Variants in CCDC38 observed in about 807,000 individuals in gnomAD.
The protein encoded by CCDC38 is coiled-coil domain containing 38, also known as coiled-coil domain-containing protein 38.
A neutral mutation model predicts 72.8 loss-of-function variants in CCDC38; 69 were observed. The ratio of observed to expected loss-of-function variants is 0.95; its 90% confidence interval spans 0.78 to 1.16. The LOEUF is 1.16. CCDC38 is among the 50% of genes most tolerant of loss of function. The pLI is 0.00. For synonymous variants in CCDC38, 201 were observed against 213.2 expected (o/e 0.94, Z 0.50); for missense variants, 626 against 638.9 (o/e 0.98, Z 0.22).
chr12:95,888,630 C>T, intron 9 of CCDC38, 124 bp from the exon 10 acceptor site: 2 of 738,134 alleles, frequency 2.7e-6, no homozygotes, highest in Non-Finnish European at 2.3e-6. Flanking sequence ...CAGACATGCC[C>T]ATTACTTCTT....
chr12:95,934,500 C>G (rs1372517505), intron 2 of CCDC38: 1 of 152,092 alleles, frequency 6.6e-6, no homozygotes, highest in Non-Finnish European at 1.5e-5. Context: ...ATCCAGGAAA[C>G]TGTAGCAAGC....
At chr12:95,906,494 C>A in intron 4 of CCDC38, 43 bp from the exon 5 acceptor site, 1 of 1,305,244 alleles carries the variant, frequency 7.7e-7, no homozygotes, top group Admixed American at 1.8e-5. Context: ...GTTCATCATC[C>A]TTAAAAATGC....
At chr12:95,904,721 TGTCTCCA>T (rs1156282402) in intron 5 of CCDC38, among the ~76,000 whole-genome samples, 5 of 152,226 alleles carry the variant, frequency 3.3e-5, no homozygotes, top group African/African-American at 1.2e-4. Flanking sequence ...GTGGTTGATC[TGTCTCCA>T]GTCTCCAGAC....
At chr12:95,915,004 C>T (rs982665309) in intron 4 of CCDC38, among the ~76,000 whole-genome samples, 2 of 152,130 alleles carry the variant, frequency 1.3e-5, no homozygotes, top group African/African-American at 4.8e-5. Context: ...CTGTAGCTTT[C>T]ATTTGATCAT....
chr12:95,919,662 AC>A, intron 2 of CCDC38: 1 of 455,578 alleles, frequency 2.2e-6, no homozygotes, highest in Non-Finnish European at 4.4e-6. Flanking sequence ...GGAGGTCTTT[AC>A]CAAAATAGTA....
chr12:95,919,226 A>G (rs2080177306), intron 2 of CCDC38, among the ~76,000 whole-genome samples: 1 of 152,242 alleles, frequency 6.6e-6, no homozygotes. Context: ...TGGTTAGAAC[A>G]AATTTATAGA....
chr12:95,914,769 G>A lies in CCDC38; in HGVS notation c.304+2360C>T, dbSNP rs572177113. ...TTTTAAATCTATAATAGCCACCCCC[G>A]CTCCTCACACCCTATACCCTACACA... On this transcript the variant is annotated intron_variant, in intron 4 of 15. Transcript: ENST00000344280. 1.2e-4 allele frequency among the ~76,000 whole-genome samples: 18 copies of A among 151,566 alleles called. No homozygotes were observed. In the East Asian group the frequency reaches 2.7e-3, roughly 23 times the overall value.
At chr12:95,919,567 G>A (rs1338940487) in intron 2 of CCDC38, 6 of 456,032 alleles carry the variant, frequency 1.3e-5, no homozygotes, top group Non-Finnish European at 2.2e-5. Context: ...CACATCTCCT[G>A]GGTAGAAGTC....
chr12:95,917,371 A>C (rs1362012742), intron 3 of CCDC38, 77 bp from the exon 4 acceptor site: 1 of 1,204,426 alleles, frequency 8.3e-7, no homozygotes, highest in Non-Finnish European at 1.1e-6. Flanking sequence ...TTATATATAA[A>C]AATAACATTT....
intron 13 of CCDC38, among the ~76,000 whole-genome samples, chr12:95,876,394 C>T (rs565162033): frequency 6.6e-6 from 1 of 152,244 alleles, no homozygotes; most frequent in South Asian, 2.1e-4. Flanking sequence ...CTTAACACTA[C>T]TGACCCGTAC....
intron 14 of CCDC38, among the ~76,000 whole-genome samples, chr12:95,871,431 T>G (rs961892007): frequency 2.0e-5 from 3 of 152,174 alleles, no homozygotes; most frequent in Admixed American, 1.3e-4. Flanking sequence ...ATCTGCAGAT[T>G]TTGGTATCCT....
At chr12:95,917,684 T>C (rs1402017738) in intron 3 of CCDC38, among the ~76,000 whole-genome samples, 2 of 151,738 alleles carry the variant, frequency 1.3e-5, no homozygotes, top group African/African-American at 4.8e-5. Context: ...ACCAGCCTGA[T>C]CAAGATGGAG....
chr12:95,941,265 T>C (rs1055379594), intron 1 of CCDC38, among the ~76,000 whole-genome samples: 1 of 152,256 alleles, frequency 6.6e-6, no homozygotes, highest in Non-Finnish European at 1.5e-5. Flanking sequence ...GGAGAGGAAC[T>C]ATACTATTGG....
chr12:95,887,709 G>C (rs2079775578), intron 10 of CCDC38, among the ~76,000 whole-genome samples: 1 of 152,202 alleles, frequency 6.6e-6, no homozygotes, highest in African/African-American at 2.4e-5. Flanking sequence ...TATGGTATTT[G>C]TGCTACAGTT....
At chr12:95,872,887 A>G (rs1314093758) in intron 13 of CCDC38, among the ~76,000 whole-genome samples, 1 of 152,246 alleles carries the variant, frequency 6.6e-6, no homozygotes, top group Non-Finnish European at 1.5e-5. Context: ...GAGAAGTTTT[A>G]ATAAATCATT....
At chr12:95,933,043 T>C (rs2080354733) in intron 2 of CCDC38, 1 of 152,118 alleles carries the variant, frequency 6.6e-6, no homozygotes, top group Admixed American at 6.5e-5. Flanking sequence ...CATACAAACA[T>C]TAACTACAGA....
At chr12:95,886,929 A>G (rs2121445736) in intron 10 of CCDC38, among the ~76,000 whole-genome samples, 1 of 152,326 alleles carries the variant, frequency 6.6e-6, no homozygotes, top group Non-Finnish European at 1.5e-5. Context: ...TCACGCCTGT[A>G]ATCCCAGCAC....
chr12:95,898,380 C>A lies in CCDC38; in HGVS notation c.614+5G>T. The A allele has an allele frequency of 1.2e-6, 2 of 1,614,176 alleles. No individual in the cohort carries two copies. Among genetic ancestry groups the A allele is most frequent in the Non-Finnish European group, 1.7e-6 (2 of 1,180,004 alleles). On this transcript the variant is annotated splice_donor_5th_base_variant and intron_variant, in intron 7 of 15. Transcript: ENST00000344280. The stretch of plus-strand genomic sequence containing the variant: ...TGGCCACGAGAAGATTGTGCCCACC[C>A]TCACCTTTTCACTGCTTGTACCTCC...
intron 7 of CCDC38, 84 bp from the exon 8 acceptor site, chr12:95,895,230 T>C (rs2079873830): frequency 2.3e-6 from 2 of 859,024 alleles, no homozygotes; most frequent in Non-Finnish European, 3.4e-6. Context: ...AAATTGTTTC[T>C]CTTATGTACT....
Sources: gnomAD v4.1 joint callset for allele counts (sites outside exome capture counted in the v4.1 genomes callset) on GRCh38, gnomAD v4.1.1 for gene constraint, MANE v1.5 for transcripts, NCBI Gene and HGNC (gene_info 2026-07-23, HGNC 2026-07-21) for gene names.